Variants in ZNF362 observed in about 807,000 individuals in gnomAD.
ZNF362 encodes the protein zinc finger protein 362.
Under a neutral mutation model 42.9 loss-of-function variants are expected in ZNF362, and 11 were observed. The ratio of observed to expected loss-of-function variants is 0.26; its 90% CI spans 0.16 to 0.42. The LOEUF (loss-of-function observed/expected upper bound fraction) is 0.42. Ranked by LOEUF, ZNF362 falls within the 20% of genes least tolerant of loss-of-function variation. The probability of loss-of-function intolerance (pLI) is 1.00; values close to 1 mark genes in which losing one functional copy is unlikely to be tolerated. For synonymous variants in ZNF362, 255 were observed against 257.3 expected, an observed-to-expected ratio of 0.99 and a Z score of 0.09; for missense variants, 362 against 576.2, an observed-to-expected ratio of 0.63 and a Z score of 3.81.
At chr1:33,184,085 A>G in the ZNF362 span, among the ~76,000 whole-genome samples, 1 of 151,282 alleles carries the variant, frequency 6.6e-6, no homozygotes, top group African/African-American at 2.4e-5. Flanking sequence ...TGACTTCATT[A>G]TTCAACATGT....
At chr1:33,276,892 G>A (rs1248394101) in intron 4 of ZNF362, among the ~76,000 whole-genome samples, 3 of 152,252 alleles carry the variant, frequency 2.0e-5, no homozygotes, top group Admixed American at 6.5e-5. Flanking sequence ...TGGAAATCAC[G>A]AGATTCTTTG....
the ZNF362 span, among the ~76,000 whole-genome samples, chr1:33,128,401 T>C: frequency 3.3e-5 from 5 of 152,016 alleles, no homozygotes; most frequent in African/African-American, 1.2e-4. Context: ...ATTTAACGTA[T>C]TTAAAGCACT....
At chr1:33,240,558 A>G in the ZNF362 span, among the ~76,000 whole-genome samples, 2 of 152,208 alleles carry the variant, frequency 1.3e-5, no homozygotes, top group African/African-American at 2.4e-5. Flanking sequence ...CGTAAATGTT[A>G]GGTTCAAAGT....
intron 6 of ZNF362, among the ~76,000 whole-genome samples, chr1:33,293,338 G>A (rs1393361473): frequency 6.6e-6 from 1 of 152,202 alleles, no homozygotes; most frequent in East Asian, 1.9e-4. Flanking sequence ...GTGCGTACGA[G>A]CAGGGAGGGG....
At chr1:33,176,379 G>A in the ZNF362 span, 3 of 680,998 alleles carry the variant, frequency 4.4e-6, no homozygotes, top group Non-Finnish European at 8.2e-6. Context: ...GGCTGCCTTG[G>A]TGTCACTGGA....
the ZNF362 span, among the ~76,000 whole-genome samples, chr1:33,132,826 A>C: frequency 1.3e-5 from 2 of 152,210 alleles, no homozygotes; most frequent in Admixed American, 6.5e-5. Flanking sequence ...AGATGTCCTG[A>C]GATCTTGGGT....
chr1:33,167,977 G>A, the ZNF362 span, among the ~76,000 whole-genome samples: 1 of 152,234 alleles, frequency 6.6e-6, no homozygotes, highest in Non-Finnish European at 1.5e-5. The surrounding 1 kb of genome is among the most constrained non-coding windows in gnomAD (Gnocchi z 4.2). Flanking sequence ...ATAGGGACTA[G>A]TCTGGTGGGG....
chr1:33,156,350 C>T, the ZNF362 span, among the ~76,000 whole-genome samples: 8 of 152,236 alleles, frequency 5.3e-5, no homozygotes, highest in Non-Finnish European at 1.2e-4. Context: ...TACTGCTCCA[C>T]CCAACCAGCT....
chr1:33,139,971 A>C, the ZNF362 span, among the ~76,000 whole-genome samples: 271 of 152,320 alleles, frequency 1.8e-3, no homozygotes, highest in Middle Eastern at 3.4e-3. Flanking sequence ...ATAAATGTGC[A>C]TAGGTTGTAG....
intron 2 of ZNF362, among the ~76,000 whole-genome samples, chr1:33,271,588 C>T (rs376813966): frequency 2.0e-5 from 3 of 152,150 alleles, no homozygotes. Context: ...CCTGGTGAGG[C>T]GACAGTGGCT....
At position 33,280,179 on chromosome 1, in the gene ZNF362, C is replaced by T. The variant is rs760670740; in HGVS notation, c.405C>T (p.Gly135=). 1.7e-5 allele frequency: 27 copies of T among 1,611,846 alleles called. No individual in the cohort carries two copies. Among genetic ancestry groups the T allele is most frequent in the Admixed American group, 1.2e-4 (7 of 59,870 alleles). ...PSVSTSESSA[G]AGTGTGTSTP... is the part of the protein sequence containing the mutation. ...TGAGCACTTCTGAGTCAAGCGCGGG[C>T]GCGGGCACGGGCACGGGTACCAGCA... The change falls in exon 5 of 9, where the codon GGC becomes GGT. Residue 135 remains glycine (G), a synonymous_variant. Coordinates refer to ENST00000539719, the MANE Select transcript of ZNF362 (RefSeq NM_152493.3). This position sits in a 1 kb window ranked among gnomAD's most constrained non-coding sequence, Gnocchi z 5.6.
At chr1:33,134,160 C>G in the ZNF362 span, among the ~76,000 whole-genome samples, 1 of 152,240 alleles carries the variant, frequency 6.6e-6, no homozygotes, top group Admixed American at 6.5e-5. Flanking sequence ...GTGGCCCAGC[C>G]CCGTAAGACA....
At chr1:33,196,519 G>C in the ZNF362 span, among the ~76,000 whole-genome samples, 2 of 152,092 alleles carry the variant, frequency 1.3e-5, no homozygotes, top group East Asian at 3.8e-4. Flanking sequence ...GGTTATCAGG[G>C]GTAATAACAT....
chr1:33,128,386 A>C, the ZNF362 span, among the ~76,000 whole-genome samples: 1 of 152,222 alleles, frequency 6.6e-6, no homozygotes, highest in East Asian at 1.9e-4. Context: ...CCAAAAGAAC[A>C]AAAAATTTAA....
chr1:33,148,995 C>T, the ZNF362 span, among the ~76,000 whole-genome samples: 1 of 152,172 alleles, frequency 6.6e-6, no homozygotes, highest in African/African-American at 2.4e-5. Context: ...CACTTAGGTC[C>T]AAAGCCTCTG....
At chr1:33,139,644 A>G in the ZNF362 span, among the ~76,000 whole-genome samples, 1 of 152,254 alleles carries the variant, frequency 6.6e-6, no homozygotes, top group Non-Finnish European at 1.5e-5. Context: ...ATAAAGGTCC[A>G]CATGTCTGAT....
chr1:33,158,398 C>A, the ZNF362 span: 1 of 1,596,084 alleles, frequency 6.3e-7, no homozygotes. Flanking sequence ...GGGGGCTGCA[C>A]CAGGGACTGG....
At chr1:33,253,826 G>A (rs991802718), upstream of ZNF362, among the ~76,000 whole-genome samples, 4 of 152,100 alleles carry the variant, frequency 2.6e-5, no homozygotes, top group South Asian at 2.1e-4. Context: ...CAGCAATGCC[G>A]TGATTAATAC....
the ZNF362 span, among the ~76,000 whole-genome samples, chr1:33,232,818 C>T: frequency 6.6e-6 from 1 of 152,158 alleles, no homozygotes; most frequent in Non-Finnish European, 1.5e-5. Flanking sequence ...GATGGGCACA[C>T]GGCACCACTC....
Sources: allele counts gnomAD v4.1 joint callset (sites outside exome capture counted in the v4.1 genomes callset), GRCh38; gene constraint gnomAD v4.1.1; non-coding constraint Gnocchi (gnomAD v3.1); transcripts MANE v1.5; gene names NCBI Gene and HGNC (gene_info 2026-07-23, HGNC 2026-07-21).